Variants in NECAB1 observed in about 807,000 individuals in gnomAD.
NECAB1 encodes N-terminal EF-hand calcium binding protein 1.
In NECAB1, 29 loss-of-function variants were observed where a neutral mutation model predicts 57.5. That is an observed-to-expected ratio of 0.50 (90% CI 0.38 to 0.69). The LOEUF (loss-of-function observed/expected upper bound fraction) is 0.69. Among genes scored for constraint, NECAB1 ranks in the 30% least tolerant of loss-of-function variants. The pLI is 0.00. For missense variants in NECAB1, 372 were observed against 413.8 expected (o/e 0.90, Z 0.88); for synonymous variants, 142 against 147.7 (o/e 0.96, Z 0.28).
chr8:90,828,180 G>A (rs1812253738), intron 3 of NECAB1, among the ~76,000 whole-genome samples: 1 of 146,860 alleles, frequency 6.8e-6, no homozygotes, highest in Non-Finnish European at 1.5e-5. Context: ...GATCTTTTCA[G>A]TCAGGTTTTC....
intron 3 of NECAB1, among the ~76,000 whole-genome samples, chr8:90,868,196 C>A (rs1333067690): frequency 6.6e-6 from 1 of 152,174 alleles, no homozygotes; most frequent in Non-Finnish European, 1.5e-5. Flanking sequence ...CCTGCAAAAC[C>A]TTGAGTCAAT....
At chr8:90,812,587 A>G (rs1010749756) in intron 2 of NECAB1, 2 of 152,150 alleles carry the variant, frequency 1.3e-5, no homozygotes, top group Non-Finnish European at 2.9e-5. Context: ...CTTCCCCAAA[A>G]AGTACCTAAA....
At chr8:90,909,840 C>G (rs990394682) in intron 5 of NECAB1, among the ~76,000 whole-genome samples, 1 of 151,992 alleles carries the variant, frequency 6.6e-6, no homozygotes, top group Non-Finnish European at 1.5e-5. Context: ...AATATCAAAT[C>G]ATTTTATTTT....
chr8:90,796,832 T>C (rs1399967401), intron 1 of NECAB1, among the ~76,000 whole-genome samples: 1 of 152,196 alleles, frequency 6.6e-6, no homozygotes, highest in Non-Finnish European at 1.5e-5. Context: ...TCTGTTCATA[T>C]TTAATTATAA....
chr8:90,841,731 T>C (rs754178462), intron 3 of NECAB1, among the ~76,000 whole-genome samples: 9 of 152,178 alleles, frequency 5.9e-5, no homozygotes, highest in African/African-American at 2.2e-4. Flanking sequence ...GGTTTCAGTA[T>C]TGAGAGAAAA....
chr8:90,873,451 C>T (rs1055764594), intron 4 of NECAB1, among the ~76,000 whole-genome samples: 1 of 152,130 alleles, frequency 6.6e-6, no homozygotes, highest in African/African-American at 2.4e-5. Flanking sequence ...CCATAAAGGC[C>T]AAGTTGTGGT....
At chr8:90,828,544 A>T (rs1287065764) in intron 3 of NECAB1, among the ~76,000 whole-genome samples, 2 of 152,062 alleles carry the variant, frequency 1.3e-5, no homozygotes, top group African/African-American at 2.4e-5. Flanking sequence ...ACTGTTTGCC[A>T]GAATTCCTAA....
intron 2 of NECAB1, among the ~76,000 whole-genome samples, chr8:90,802,988 C>T (rs1811786046): frequency 6.6e-6 from 1 of 152,080 alleles, no homozygotes; most frequent in African/African-American, 2.4e-5. Context: ...CCTCCGTCTC[C>T]TGGGTTCAAG....
At position 90,955,103 on chromosome 8, in the gene NECAB1, GTATATAAATTATATATATATATATATA is replaced by G. The variant is rs1280757857; in HGVS notation, c.1031-377_1031-351del. On this transcript the variant is annotated intron_variant, in intron 12 of 12. Coordinates refer to ENST00000417640, the MANE Select transcript of NECAB1 (RefSeq NM_022351.5). ...ACATATAGGATTTCATAAATATTGG[GTATATAAATTATATATATATATATATA>G]TATATATATATATATATATGGCCTA... Among the ~76,000 whole-genome samples the G allele has an allele frequency of 5.9e-5, 5 of 84,894 alleles. 1 individual carries two copies. In the East Asian group the frequency reaches 2.3e-3, roughly 38 times the overall value. The allele number at this position is 84,894 out of a possible 152,430, so 55.7% of individuals were successfully genotyped here. A position where few individuals can be genotyped will look rare whatever the true frequency, so the allele number is the denominator to read the frequency against.
chr8:90,881,209 C>T, intron 5 of NECAB1, 79 bp downstream of exon 5: 1 of 941,362 alleles, frequency 1.1e-6, no homozygotes. Flanking sequence ...TACCTATTTT[C>T]AACTATAGAT....
chr8:90,834,658 A>G (rs1248154909), intron 3 of NECAB1, among the ~76,000 whole-genome samples: 1 of 152,212 alleles, frequency 6.6e-6, no homozygotes, highest in Non-Finnish European at 1.5e-5. Flanking sequence ...GGACTAAGAC[A>G]CTCACAAACC....
intron 2 of NECAB1, chr8:90,806,370 A>G (rs1811847675): frequency 6.6e-6 from 1 of 152,248 alleles, no homozygotes. Context: ...CTGCTGCAAC[A>G]CAGACATTCA....
rs1408949048 is a variant in NECAB1, at chr8:90,925,563, T to A, written c.523T>A (p.Ser175Thr). 1 of 1,613,198 alleles carries A rather than the reference T, an allele frequency of 6.2e-7. No homozygotes were observed. Among genetic ancestry groups the A allele is most frequent in the Admixed American group, 1.7e-5 (1 of 59,892 alleles). The change falls in exon 7 of 13, where the codon TCG becomes ACG. Residue 175 changes from serine to threonine, a missense_variant. Coordinates refer to ENST00000417640, the MANE Select transcript of NECAB1 (RefSeq NM_022351.5). The stretch of plus-strand genomic sequence containing the variant: ...AGGGCCAGCCAAGCCAGAAGTCCTG[T>A]CGATTCAATGGCCTGGAAAACGATC... ...RQGPAKPEVLSIQWPGKRSSR... is the reference protein window; with the variant it reads ...RQGPAKPEVLTIQWPGKRSSR...
chr8:90,820,040 T>C (rs2129695054), intron 2 of NECAB1, among the ~76,000 whole-genome samples: 1 of 151,996 alleles, frequency 6.6e-6, no homozygotes, highest in African/African-American at 2.4e-5. Flanking sequence ...CTCATGCTCA[T>C]CCACAATCAG....
chr8:90,846,602 T>C (rs761399662), intron 3 of NECAB1, among the ~76,000 whole-genome samples: 6 of 152,226 alleles, frequency 3.9e-5, no homozygotes, highest in Non-Finnish European at 5.9e-5. Flanking sequence ...TATTAGTCCA[T>C]TCTCATGCTG....
chr8:90,851,436 G>A (rs994584847), intron 3 of NECAB1, among the ~76,000 whole-genome samples: 1 of 152,128 alleles, frequency 6.6e-6, no homozygotes, highest in Non-Finnish European at 1.5e-5. Context: ...CCTATAACCT[G>A]TGGAGTTTGC....
rs1245884937 is a variant in NECAB1, at chr8:90,956,385, A to C, written c.*873A>C. Reference sequence around the variant, plus strand: ...AAATAAAATTTTAACCCAAATGAATAACTAAGAAATATAAAACAAGCACAA... The same window carrying C: ...AAATAAAATTTTAACCCAAATGAATCACTAAGAAATATAAAACAAGCACAA... On this transcript the variant is annotated 3_prime_UTR_variant, in exon 13 of 13. Transcript: ENST00000417640. 6 of 152,016 alleles carry C rather than the reference A, an allele frequency of 3.9e-5. No individual in the cohort carries two copies. The highest frequency in any genetic ancestry group is 3.9e-4 in the Admixed American group (6 of 15,232). The allele number at this position is 152,016 out of a possible 1,614,324, so 9.4% of individuals were successfully genotyped here. A position where few individuals can be genotyped will look rare whatever the true frequency, so the allele number is the denominator to read the frequency against.
At chr8:90,871,658 T>A (rs1808624235) in intron 3 of NECAB1, among the ~76,000 whole-genome samples, 1 of 152,154 alleles carries the variant, frequency 6.6e-6, no homozygotes, top group African/African-American at 2.4e-5. Flanking sequence ...CATCAAGTGC[T>A]TATTTTGTGC....
At chr8:90,908,631 C>A (rs534405618) in intron 5 of NECAB1, among the ~76,000 whole-genome samples, 6 of 152,082 alleles carry the variant, frequency 3.9e-5, no homozygotes, top group Non-Finnish European at 7.4e-5. Flanking sequence ...CATACCTTAA[C>A]CTTTTTATTG....
Sources: gnomAD v4.1 joint callset for allele counts (sites outside exome capture counted in the v4.1 genomes callset) on GRCh38, gnomAD v4.1.1 for gene constraint, MANE v1.5 for transcripts, NCBI Gene and HGNC (gene_info 2026-07-23, HGNC 2026-07-21) for gene names.